FBXL19: variants seen among roughly 807,000 people sequenced by gnomAD.
The protein encoded by FBXL19 is F-box and leucine rich repeat protein 19, also known as F-box/LRR-repeat protein 19.
In FBXL19, 16 loss-of-function variants were observed where a neutral mutation model predicts 71.2. That is an observed-to-expected ratio of 0.22 (90% confidence interval 0.15 to 0.34). The LOEUF (loss-of-function observed/expected upper bound fraction) is 0.34, where lower values mean the gene tolerates loss of function less well. Among genes scored for constraint, FBXL19 ranks in the 10% least tolerant of loss-of-function variants. The pLI, the probability that FBXL19 is intolerant of heterozygous loss-of-function variation, is 1.00. For synonymous variants in FBXL19, 447 were observed against 409.4 expected (o/e 1.09, Z -1.11); for missense variants, 658 against 968.2 (o/e 0.68, Z 4.25).
upstream of FBXL19, chr16:30,923,070 C>G: frequency 2.2e-6 from 1 of 456,826 alleles, no homozygotes; most frequent in Non-Finnish European, 4.4e-6. Flanking sequence ...GCTTGTAGTC[C>G]TCTTTCCTTT....
chr16:30,926,375 A>G (rs1364910620), intron 2 of FBXL19, among the ~76,000 whole-genome samples: 1 of 152,176 alleles, frequency 6.6e-6, no homozygotes, highest in Non-Finnish European at 1.5e-5. Context: ...AATGAACCTC[A>G]GGTTCCTTCT....
chr16:30,931,579 C>T (rs1039529496), intron 7 of FBXL19, among the ~76,000 whole-genome samples: 1 of 152,148 alleles, frequency 6.6e-6, no homozygotes, highest in African/African-American at 2.4e-5. Context: ...CCTGAAGTTA[C>T]AGTACAAGTT....
intron 5 of FBXL19, 80 bp from the exon 6 acceptor site, chr16:30,928,387 G>T: frequency 1.5e-6 from 2 of 1,370,976 alleles, no homozygotes; most frequent in South Asian, 3.1e-5. Context: ...CTAAGAGGAG[G>T]GCATGGACCT....
At chr16:30,934,754 G>C (rs2055713009) in intron 7 of FBXL19, among the ~76,000 whole-genome samples, 1 of 152,198 alleles carries the variant, frequency 6.6e-6, no homozygotes, top group Admixed American at 6.5e-5. Flanking sequence ...GCCTGGATGG[G>C]CAACAGCATC....
intron 7 of FBXL19, among the ~76,000 whole-genome samples, chr16:30,939,600 A>T (rs983591550): frequency 4.0e-5 from 6 of 149,822 alleles, no homozygotes; most frequent in Non-Finnish European, 7.4e-5. Context: ...TTTTTTTTTT[A>T]GTAGAGACGG....
intron 7 of FBXL19, among the ~76,000 whole-genome samples, chr16:30,937,067 G>A (rs2055746346): frequency 6.6e-6 from 1 of 152,054 alleles, no homozygotes; most frequent in Non-Finnish European, 1.5e-5. Context: ...CTGTAGAAAG[G>A]AGATGATGAT....
Position 30,928,622 on chromosome 16 carries a change from C to T in FBXL19, c.783C>T (p.Asn261=). 6.3e-7 allele frequency: 1 copy of T among 1,579,068 alleles called. No individual in the cohort carries two copies. ...GCCACCCTGGGCTCCCTCCCGAGAA[C>T]TGGGAGGTGTGCCGGGGACCTCCTC... ...SSCHPGLPPE[N]WEKPKPPLAS... is the part of the protein sequence containing the mutation. The change falls in exon 6 of 11, where the codon AAC becomes AAT. Residue 261 remains asparagine, a synonymous_variant. Coordinates refer to ENST00000338343, the MANE Select transcript of FBXL19 (RefSeq NM_001382779.1).
At chr16:30,947,025 G>T in intron 10 of FBXL19, 27 bp from the exon 11 acceptor site, 1 of 1,580,796 alleles carries the variant, frequency 6.3e-7, no homozygotes. Flanking sequence ...CACCTGCCTG[G>T]TCTCAGCTCC....
chr16:30,928,165 C>T (rs1162259181), intron 5 of FBXL19, among the ~76,000 whole-genome samples: 1 of 151,480 alleles, frequency 6.6e-6, no homozygotes, highest in Non-Finnish European at 1.5e-5. Flanking sequence ...GTGAGGTGAG[C>T]TGGCACTGCA....
chr16:30,930,325 G>A lies in FBXL19; in HGVS notation c.1042G>A (p.Gly348Arg), dbSNP rs769425331. 3.1e-6 allele frequency: 5 copies of A among 1,601,744 alleles called. No individual in the cohort carries two copies. Among genetic ancestry groups the A allele is most frequent in the Non-Finnish European group, 3.4e-6 (4 of 1,174,472 alleles). The stretch of plus-strand genomic sequence containing the variant: ...CAGCTCTGGCGAGAAGGAGAACCGT[G>A]GGGGGCGGCGGGCTGTGCGCCCTGG... ...RGSSGEKENR[G>R]GRRAVRPGSG... The change falls in exon 7 of 11, where the codon GGG becomes AGG. Residue 348 changes from glycine to arginine, a missense_variant. Coordinates refer to ENST00000338343, the MANE Select transcript of FBXL19 (RefSeq NM_001382779.1). This position sits in a 1 kb window ranked among gnomAD's most constrained non-coding sequence, Gnocchi z 8.5.
chr16:30,934,612 T>C (rs1291425365), intron 7 of FBXL19, among the ~76,000 whole-genome samples: 2 of 151,826 alleles, frequency 1.3e-5, no homozygotes, highest in East Asian at 1.9e-4. Context: ...GAGCCAAGAT[T>C]GAGCCACTGC....
At position 30,947,239 on chromosome 16, in the gene FBXL19, C is replaced by T; in HGVS notation, c.*9C>T. Reference sequence around the variant, plus strand: ...TTCTCAAGGACAGCTAGTTGGGCGCCCCCCACCCTCCCCCGGACTCGACAG... The same window carrying T: ...TTCTCAAGGACAGCTAGTTGGGCGCTCCCCACCCTCCCCCGGACTCGACAG... On this transcript the variant is annotated 3_prime_UTR_variant, in exon 11 of 11. Transcript: ENST00000338343. 1 of 1,560,752 alleles carries T rather than the reference C, an allele frequency of 6.4e-7. No homozygotes were observed. The highest frequency in any genetic ancestry group is 1.2e-5 in the South Asian group (1 of 86,670).
chr16:30,938,688 G>A (rs1238117774), intron 7 of FBXL19, among the ~76,000 whole-genome samples: 1 of 151,970 alleles, frequency 6.6e-6, no homozygotes, highest in Non-Finnish European at 1.5e-5. Context: ...CCAGGCTGGA[G>A]TGCAGTGGTG....
In FBXL19 at chr16:30,947,314, C is replaced by A; in HGVS notation, c.*84C>A. 8.5e-7 allele frequency: 1 copy of A among 1,175,838 alleles called. No individual in the cohort carries two copies. The highest frequency in any genetic ancestry group is 1.2e-6 in the Non-Finnish European group (1 of 859,598). The allele number at this position is 1,175,838 out of a possible 1,614,324, so 72.8% of individuals were successfully genotyped here. On this transcript the variant is annotated 3_prime_UTR_variant, in exon 11 of 11. Transcript: ENST00000338343. ...CACCCCTGCTGGGAGGCCAGGTTCC[C>A]ACCTCACCACCCTGGGATTCCTGAG...
chr16:30,946,674 C>T lies in FBXL19; in HGVS notation c.1628-56C>T. On this transcript the variant is annotated intron_variant, in intron 9 of 10. Coordinates refer to ENST00000338343, the MANE Select transcript of FBXL19 (RefSeq NM_001382779.1). The surrounding 1 kb of genome is among the most constrained non-coding windows in gnomAD (Gnocchi z 6.7). ...AGGTGGAGGGCAGATGGTCTGGATA[C>T]CTGGGCGCAGGGATGGGAGTGGCCA... 6.6e-7 allele frequency: 1 copy of T among 1,519,846 alleles called. No individual in the cohort carries two copies. Among genetic ancestry groups the T allele is most frequent in the Non-Finnish European group, 8.9e-7 (1 of 1,122,046 alleles). 94.1% of individuals were successfully genotyped at this position (1,519,846 alleles called of 1,614,324 possible).
chr16:30,942,664 A>G lies in FBXL19; in HGVS notation c.1627+128A>G. 7.1e-6 allele frequency: 10 copies of G among 1,411,554 alleles called. No homozygotes were observed. Among genetic ancestry groups the G allele is most frequent in the East Asian group, 5.1e-5 (2 of 39,270 alleles). 87.4% of individuals were successfully genotyped at this position (1,411,554 alleles called of 1,614,324 possible). On this transcript the variant is annotated intron_variant, in intron 9 of 10. Coordinates refer to ENST00000338343, the MANE Select transcript of FBXL19 (RefSeq NM_001382779.1). The surrounding 1 kb of genome is among the most constrained non-coding windows in gnomAD (Gnocchi z 5.7). ...GAAAGGAAAGAATACATGAGTTTGA[A>G]TAGGAAGGCCCTGGTTGGGCATTAT...
chr16:30,923,533 G>GAGGAGGAGGGA (rs1170070861), upstream of FBXL19, among the ~76,000 whole-genome samples: 10 of 143,810 alleles, frequency 7.0e-5, no homozygotes, highest in African/African-American at 1.8e-4. Context: ...GGAGGAGGAG[G>GAGGAGGAGGGA]AGGAGGAGGG....
chr16:30,937,317 C>T (rs950910334), intron 7 of FBXL19, among the ~76,000 whole-genome samples: 2 of 152,056 alleles, frequency 1.3e-5, no homozygotes, highest in South Asian at 2.1e-4. Context: ...TCCTCCCCCT[C>T]CCCTTGCTGA....
At chr16:30,932,769 G>T (rs1295527008) in intron 7 of FBXL19, among the ~76,000 whole-genome samples, 1 of 152,032 alleles carries the variant, frequency 6.6e-6, no homozygotes, top group Non-Finnish European at 1.5e-5. Context: ...GGCACAGCAG[G>T]ACCACTCAGG....
Sources: gnomAD v4.1 joint callset for allele counts (sites outside exome capture counted in the v4.1 genomes callset) on GRCh38, gnomAD v4.1.1 for gene constraint, Gnocchi (gnomAD v3.1) non-coding constraint, MANE v1.5 for transcripts, NCBI Gene and HGNC (gene_info 2026-07-23, HGNC 2026-07-21) for gene names.